DTNA: variants seen among roughly 807,000 people sequenced by gnomAD.
The protein encoded by DTNA is dystrobrevin alpha.
DTNA carries 43 observed loss-of-function variants against 100.7 expected under a neutral mutation model. The observed-to-expected ratio is 0.43, with a 90% CI of 0.33 to 0.55. DTNA has a LOEUF of 0.55. Ranked by LOEUF, DTNA falls within the 20% of genes least tolerant of loss-of-function variation. The probability of loss-of-function intolerance (pLI) is 0.04; values close to 1 mark genes in which losing one functional copy is unlikely to be tolerated. For synonymous variants in DTNA, 349 were observed against 347.9 expected, an observed-to-expected ratio of 1.00 and a Z score of -0.04; for missense variants, 798 against 953.9, an observed-to-expected ratio of 0.84 and a Z score of 2.15.
intron 3 of DTNA, among the ~76,000 whole-genome samples, chr18:34,786,586 C>T (rs1025748947): frequency 4.6e-5 from 7 of 152,080 alleles, no homozygotes; most frequent in African/African-American, 1.7e-4. Flanking sequence ...GCACGGAGGG[C>T]AGGGTGGAGA....
intron 1 of DTNA, among the ~76,000 whole-genome samples, chr18:34,620,477 G>A (rs760684856): frequency 2.0e-5 from 3 of 152,158 alleles, no homozygotes; most frequent in South Asian, 2.1e-4. Context: ...CTTACTCATC[G>A]TATTAGTTTA....
intron 13 of DTNA, among the ~76,000 whole-genome samples, chr18:34,843,804 A>T (rs942348859): frequency 6.6e-6 from 1 of 152,174 alleles, no homozygotes; most frequent in Non-Finnish European, 1.5e-5. Flanking sequence ...TATGCCTTTA[A>T]TATTTTTAAT....
At chr18:34,693,869 A>T (rs1221567749) in intron 1 of DTNA, among the ~76,000 whole-genome samples, 1 of 152,088 alleles carries the variant, frequency 6.6e-6, no homozygotes, top group Non-Finnish European at 1.5e-5. Flanking sequence ...ATGTAATGCT[A>T]AAAAAGGCAA....
chr18:34,700,854 A>C (rs565362588), intron 1 of DTNA, among the ~76,000 whole-genome samples: 2 of 152,206 alleles, frequency 1.3e-5, no homozygotes, highest in Non-Finnish European at 2.9e-5. Context: ...CATTGAAAAC[A>C]TAAAAGCCAT....
At chr18:34,843,709 G>A (rs1384403886) in intron 13 of DTNA, among the ~76,000 whole-genome samples, 1 of 152,032 alleles carries the variant, frequency 6.6e-6, no homozygotes, top group African/African-American at 2.4e-5. Context: ...AAGGTACTGA[G>A]GGTATTCATA....
Position 34,745,974 on chromosome 18 carries a change from G to A in DTNA, c.-1-10002G>A, listed in dbSNP as rs1388209334. Among the ~76,000 whole-genome samples the A allele has an allele frequency of 2.6e-5, 4 of 152,116 alleles. No individual in the cohort carries two copies. The East Asian group carries it at 7.7e-4, about 29-fold the overall frequency. Reference sequence around the variant, plus strand: ...CTAAATACCTCCTTGTCCTGTTGCAGCCTCTTTGTTGGGATGCCAAGTTTA... The same window carrying A: ...CTAAATACCTCCTTGTCCTGTTGCAACCTCTTTGTTGGGATGCCAAGTTTA... On this transcript the variant is annotated intron_variant, in intron 1 of 22. Coordinates refer to ENST00000444659, the MANE Select transcript of DTNA (RefSeq NM_001386795.1).
At chr18:34,527,951 C>T (rs1286111200) in intron 1 of DTNA, among the ~76,000 whole-genome samples, 2 of 152,166 alleles carry the variant, frequency 1.3e-5, no homozygotes, top group Non-Finnish European at 2.9e-5. Flanking sequence ...TGCTTTTATG[C>T]CCAGCCTTTA....
At chr18:34,887,726 T>C in intron 22 of DTNA, 40 bp from the exon 23 acceptor site, 1 of 985,316 alleles carries the variant, frequency 1.0e-6, no homozygotes, top group Non-Finnish European at 1.2e-6. Flanking sequence ...TTAGAAACAA[T>C]TTGCATCTTT....
At chr18:34,703,462 C>A (rs1293084056) in intron 1 of DTNA, among the ~76,000 whole-genome samples, 1 of 152,178 alleles carries the variant, frequency 6.6e-6, no homozygotes, top group African/African-American at 2.4e-5. Context: ...GTGCCTCCCT[C>A]ACAGGCTTCT....
intron 1 of DTNA, among the ~76,000 whole-genome samples, chr18:34,666,922 T>C (rs1043207848): frequency 6.6e-6 from 1 of 152,184 alleles, no homozygotes; most frequent in African/African-American, 2.4e-5. Context: ...TTTGGTTCCA[T>C]ATGAACTTTA....
At chr18:34,823,832 A>T (rs1358635920) in intron 9 of DTNA, among the ~76,000 whole-genome samples, 1 of 152,204 alleles carries the variant, frequency 6.6e-6, no homozygotes, top group African/African-American at 2.4e-5. Context: ...TTACAGACAG[A>T]GGTAAGAAGG....
chr18:34,524,256 G>A (rs180784417), intron 1 of DTNA, among the ~76,000 whole-genome samples: 1 of 152,086 alleles, frequency 6.6e-6, no homozygotes, highest in Non-Finnish European at 1.5e-5. Context: ...GTGCACCTCT[G>A]TATGAAAATA....
chr18:34,876,668 T>C (rs1476417311), intron 18 of DTNA, among the ~76,000 whole-genome samples: 2 of 152,180 alleles, frequency 1.3e-5, no homozygotes, highest in East Asian at 1.9e-4. Flanking sequence ...CTCTCGTCCA[T>C]GTAGAGGGGT....
intron 15 of DTNA, 100 bp from the exon 16 acceptor site, chr18:34,858,185 G>GGGAT (rs1206954040): frequency 9.4e-7 from 1 of 1,062,152 alleles, no homozygotes; most frequent in East Asian, 2.5e-5. Flanking sequence ...AACATAGGAT[G>GGGAT]ATCCCTTCTC....
intron 1 of DTNA, among the ~76,000 whole-genome samples, chr18:34,668,190 T>C (rs2076219705): frequency 6.6e-6 from 1 of 152,238 alleles, no homozygotes; most frequent in Non-Finnish European, 1.5e-5. Context: ...CCATTTCTTC[T>C]AGATTTTCTA....
Position 34,843,635 on chromosome 18 carries a change from G to T in DTNA, c.1347-4661G>T, listed in dbSNP as rs1337862766. Among the ~76,000 whole-genome samples the T allele has an allele frequency of 5.9e-5, 9 of 152,018 alleles. No individual in the cohort carries two copies. In the East Asian group the frequency reaches 1.7e-3, roughly 30 times the overall value. The stretch of plus-strand genomic sequence containing the variant: ...AGAACAGCAGTCCTATGAGATTAGG[G>T]CCCCACACTATGACCTCATTTAACT... On this transcript the variant is annotated intron_variant, in intron 13 of 22. Coordinates refer to ENST00000444659, the MANE Select transcript of DTNA (RefSeq NM_001386795.1).
chr18:34,507,979 C>T (rs1215879648), intron 1 of DTNA, among the ~76,000 whole-genome samples: 1 of 152,032 alleles, frequency 6.6e-6, no homozygotes, highest in African/African-American at 2.4e-5. Context: ...AAATGTTTTT[C>T]AAGTAAATAT....
chr18:34,529,375 TAA>T, intron 1 of DTNA, among the ~76,000 whole-genome samples: 1 of 152,174 alleles, frequency 6.6e-6, no homozygotes, highest in Admixed American at 6.5e-5. Context: ...AAAAGAAATA[TAA>T]GTTGAAGACA....
chr18:34,804,764 A>G (rs2095316725), intron 4 of DTNA, among the ~76,000 whole-genome samples: 1 of 152,196 alleles, frequency 6.6e-6, no homozygotes, highest in Admixed American at 6.5e-5. Flanking sequence ...AAGGTTTCAG[A>G]TAAATGATTA....
Sources: gnomAD v4.1 joint callset for allele counts (sites outside exome capture counted in the v4.1 genomes callset) on GRCh38, gnomAD v4.1.1 for gene constraint, MANE v1.5 for transcripts, NCBI Gene and HGNC (gene_info 2026-07-23, HGNC 2026-07-21) for gene names.